The following PAM variants were observed in gnomAD, a reference collection of about 807,000 sequenced individuals.
The protein encoded by PAM is peptidylglycine alpha-amidating monooxygenase, also known as peptidyl-glycine alpha-amidating monooxygenase.
Under a neutral mutation model 122.1 loss-of-function variants are expected in PAM, and 72 were observed. The ratio of observed to expected loss-of-function variants is 0.59; its 90% CI spans 0.49 to 0.72. The LOEUF (loss-of-function observed/expected upper bound fraction) is 0.72, where lower values mean the gene tolerates loss of function less well. Ranked by LOEUF, PAM falls within the 30% of genes least tolerant of loss-of-function variation. The pLI, the probability that PAM is intolerant of heterozygous loss-of-function variation, is 0.00. For missense variants in PAM, 1,106 were observed against 1,183.7 expected, an observed-to-expected ratio of 0.93 and a Z score of 0.96; for synonymous variants, 389 against 404.4, an observed-to-expected ratio of 0.96 and a Z score of 0.46.
In PAM at chr5:103,029,606, T is replaced by C. The variant is rs184510887; in HGVS notation, c.*541T>C. On this transcript the variant is annotated 3_prime_UTR_variant, in exon 26 of 26. Transcript: ENST00000438793. ...TCTATTTAAATTCTTTTTTAAATTT[T>C]CTTCAGTTGGTGTGTTTTTGGGATG... The C allele has an allele frequency of 2.6e-5, 4 of 152,780 alleles. No homozygotes were observed. The highest frequency in any genetic ancestry group is 9.6e-5 in the African/African-American group (4 of 41,586). The allele number at this position is 152,780 out of a possible 1,614,324, so 9.5% of individuals were successfully genotyped here.
At chr5:103,006,109 A>T (rs1481515863) in intron 18 of PAM, among the ~76,000 whole-genome samples, 1 of 151,818 alleles carries the variant, frequency 6.6e-6, no homozygotes, top group African/African-American at 2.4e-5. Flanking sequence ...TAATTTTTTT[A>T]AATTTTTTGT....
At chr5:102,906,162 G>T (rs1046479985) in intron 4 of PAM, among the ~76,000 whole-genome samples, 5 of 151,658 alleles carry the variant, frequency 3.3e-5, no homozygotes, top group African/African-American at 1.2e-4. Flanking sequence ...AGTGAGAGAT[G>T]AATAGGAGCC....
chr5:102,907,813 G>T (rs1354253537), intron 4 of PAM, among the ~76,000 whole-genome samples: 2 of 151,976 alleles, frequency 1.3e-5, no homozygotes, highest in African/African-American at 4.8e-5. Flanking sequence ...ATTTTTTGAT[G>T]GGGTTGTTTG....
intron 23 of PAM, among the ~76,000 whole-genome samples, chr5:103,022,619 C>T (rs1783891813): frequency 6.6e-6 from 1 of 152,106 alleles, no homozygotes; most frequent in African/African-American, 2.4e-5. Context: ...GATTTTAAGG[C>T]ATGTTCATTC....
intron 1 of PAM, among the ~76,000 whole-genome samples, chr5:102,841,740 A>G (rs1035962661): frequency 2.6e-5 from 4 of 152,212 alleles, no homozygotes; most frequent in African/African-American, 9.6e-5. Context: ...TCGAAAATAT[A>G]GATTCATTAA....
chr5:102,853,565 C>T (rs1467211149), intron 1 of PAM, among the ~76,000 whole-genome samples: 1 of 152,216 alleles, frequency 6.6e-6, no homozygotes, highest in African/African-American at 2.4e-5. Context: ...CTAATAACAA[C>T]TTGTGATCTC....
At chr5:102,809,101 G>T (rs940753404) in intron 1 of PAM, among the ~76,000 whole-genome samples, 4 of 152,066 alleles carry the variant, frequency 2.6e-5, no homozygotes, top group African/African-American at 4.8e-5. Context: ...CACATGACCG[G>T]TTCCTCTCTA....
chr5:102,953,271 C>G (rs1246790048), intron 12 of PAM, among the ~76,000 whole-genome samples: 1 of 151,906 alleles, frequency 6.6e-6, no homozygotes, highest in Non-Finnish European at 1.5e-5. Context: ...TAAAATACCA[C>G]GATGTAAAAA....
At chr5:102,870,263 T>A (rs1421591469) in intron 3 of PAM, among the ~76,000 whole-genome samples, 1 of 152,150 alleles carries the variant, frequency 6.6e-6, no homozygotes, top group African/African-American at 2.4e-5. Flanking sequence ...GTTTTGGCAA[T>A]AATGAAAGCT....
In PAM at chr5:102,984,438, A is replaced by G. The variant is rs1353722712; in HGVS notation, c.1484-5834A>G. Among the ~76,000 whole-genome samples, 16 of 152,214 alleles carry G rather than the reference A, an allele frequency of 1.1e-4. 1 individual carries two copies. Among genetic ancestry groups the G allele is most frequent in the Admixed American group, 1.0e-3 (16 of 15,290 alleles). On this transcript the variant is annotated intron_variant, in intron 15 of 25. Coordinates refer to ENST00000438793, the MANE Select transcript of PAM (RefSeq NM_001177306.2). ...AACAAAAACAAGCACGAGTAGCTAT[A>G]GTTGTATCAGGTAAAATAGACTTTA...
chr5:102,900,929 T>G (rs186375078), intron 3 of PAM, among the ~76,000 whole-genome samples: 40 of 151,774 alleles, frequency 2.6e-4, no homozygotes, highest in Middle Eastern at 3.4e-3. Flanking sequence ...CTTTTATTCA[T>G]TGTACTTCTC....
chr5:102,887,440 A>G (rs188363480), intron 3 of PAM, among the ~76,000 whole-genome samples: 2 of 152,032 alleles, frequency 1.3e-5, no homozygotes, highest in Non-Finnish European at 1.5e-5. Context: ...TCATGAGCCA[A>G]CCTTTTTTCT....
intron 4 of PAM, among the ~76,000 whole-genome samples, chr5:102,910,859 A>T (rs1801194214): frequency 6.6e-6 from 1 of 151,856 alleles, no homozygotes; most frequent in South Asian, 2.1e-4. Flanking sequence ...GTATTTTTCC[A>T]TATTCTGTAT....
chr5:103,025,187 C>T lies in PAM; in HGVS notation c.2542C>T (p.Gln848Ter). The T allele has an allele frequency of 6.2e-7, 1 of 1,613,730 alleles. No individual in the cohort carries two copies. ...GAACAAACCCACCTCCTCAGAATTG[C>T]AGAAGATGCAAGAGAAACAGAAACT... ...MENKPTSSELQKMQEKQKLIK... is the reference protein window; with the variant it reads ...MENKPTSSEL The change falls in exon 24 of 26, where the codon CAG becomes TAG. Residue 848 changes from glutamine (Q) to a stop codon, truncating the protein, a stop_gained. Transcript: ENST00000438793. LOFTEE classifies it high-confidence loss of function.
chr5:102,882,934 A>G lies in PAM; in HGVS notation c.210+15541A>G, dbSNP rs114344522. On this transcript the variant is annotated intron_variant, in intron 3 of 25. Transcript: ENST00000438793. ...TGAGGATCCAGTTTTGATCTTCTAC[A>G]TGTAGCTTGCTAATTATCCCAGCAC... Among the ~76,000 whole-genome samples the G allele has an allele frequency of 5.6e-3, 852 of 152,032 alleles. 10 individuals carry two copies. The highest frequency in any genetic ancestry group is 0.019 in the African/African-American group (805 of 41,510).
At chr5:102,834,392 GTA>G (rs1234098171) in intron 1 of PAM, among the ~76,000 whole-genome samples, 1 of 152,094 alleles carries the variant, frequency 6.6e-6, no homozygotes, top group Admixed American at 6.6e-5. Flanking sequence ...ACTGTGCTAG[GTA>G]CTGGTGGTAC....
chr5:102,924,177 A>G (rs1748468440), intron 5 of PAM, among the ~76,000 whole-genome samples: 1 of 152,152 alleles, frequency 6.6e-6, no homozygotes, highest in Non-Finnish European at 1.5e-5. Flanking sequence ...CACACCTGTA[A>G]TCCCAGCACT....
At chr5:102,777,911 A>G (rs1195972692) in intron 1 of PAM, among the ~76,000 whole-genome samples, 3 of 152,112 alleles carry the variant, frequency 2.0e-5, no homozygotes, top group Non-Finnish European at 2.9e-5. Flanking sequence ...GGTTCTATGT[A>G]TTTTTCTTCT....
intron 15 of PAM, among the ~76,000 whole-genome samples, chr5:102,985,264 C>CAAT (rs2150675331): frequency 6.6e-6 from 1 of 150,868 alleles, no homozygotes; most frequent in South Asian, 2.1e-4. Context: ...ATACAAAGGT[C>CAAT]AATGAAAAAA....
Sources: gnomAD v4.1 joint callset for allele counts (sites outside exome capture counted in the v4.1 genomes callset) on GRCh38, gnomAD v4.1.1 for gene constraint, MANE v1.5 for transcripts, NCBI Gene and HGNC (gene_info 2026-07-23, HGNC 2026-07-21) for gene names.